Variants in CFAP57 observed in about 807,000 individuals in gnomAD.
CFAP57 encodes the protein cilia and flagella associated protein 57.
In CFAP57, 116 loss-of-function variants were observed where a neutral mutation model predicts 146.8. The observed-to-expected ratio is 0.79, with a 90% CI of 0.68 to 0.92. The LOEUF (loss-of-function observed/expected upper bound fraction) is 0.92, where lower values mean the gene tolerates loss of function less well. Ranked by LOEUF, CFAP57 falls within the 40% of genes least tolerant of loss-of-function variation. The pLI, the probability that CFAP57 is intolerant of heterozygous loss-of-function variation, is 0.00. For synonymous variants in CFAP57, 518 were observed against 552.8 expected (o/e 0.94, Z 0.88); for missense variants, 1,377 against 1,527.2 (o/e 0.90, Z 1.64).
chr1:43,223,965 G>C, intron 16 of CFAP57, 81 bp from the exon 17 acceptor site: 1 of 1,476,984 alleles, frequency 6.8e-7, no homozygotes, highest in Non-Finnish European at 9.1e-7. Flanking sequence ...GTGGTGGGGA[G>C]CCCCTTACAC....
chr1:43,193,576 A>G (rs1643677141), intron 6 of CFAP57, among the ~76,000 whole-genome samples: 1 of 152,062 alleles, frequency 6.6e-6, no homozygotes, highest in South Asian at 2.1e-4. Context: ...GTTTGATTCA[A>G]TTTCATACTA....
At chr1:43,219,771 G>A (rs1644973292) in intron 13 of CFAP57, 1 of 414,376 alleles carries the variant, frequency 2.4e-6, no homozygotes, top group Non-Finnish European at 4.5e-6. Context: ...GAGGTCAGGA[G>A]TTCAAGACCA....
rs762586922 is a variant in CFAP57 at position 43,172,855 on chromosome 1, A to T, written c.102A>T (p.Ser34=). The T allele has an allele frequency of 5.6e-6, 9 of 1,614,200 alleles. No individual in the cohort carries two copies. In the South Asian group the frequency reaches 7.7e-5, roughly 14 times the overall value. The stretch of plus-strand genomic sequence containing the variant: ...ATGAACAGATCATTATATTTCCTTC[A>T]GGAAATCACTGTGTGAAGTACAATG... ...YFDEQIIIFP[S]GNHCVKYNVD... Residue 34 remains serine, a synonymous_variant, in exon 2 of 23, where the codon TCA becomes TCT. Transcript: ENST00000372492.
chr1:43,245,014 T>TA (rs370050370), intron 22 of CFAP57, among the ~76,000 whole-genome samples: 5 of 151,374 alleles, frequency 3.3e-5, no homozygotes, highest in African/African-American at 1.2e-4. Context: ...AAACTTCTCT[T>TA]AAAAAATGTT....
intron 9 of CFAP57, among the ~76,000 whole-genome samples, chr1:43,202,546 G>T (rs772098867): frequency 8.5e-5 from 13 of 152,252 alleles, no homozygotes; most frequent in Middle Eastern, 3.4e-3. Context: ...ACTTCGGGAG[G>T]CTGAGGCAGG....
At chr1:43,225,222 A>C (rs1170854827) in intron 17 of CFAP57, among the ~76,000 whole-genome samples, 1 of 152,042 alleles carries the variant, frequency 6.6e-6, no homozygotes, top group Non-Finnish European at 1.5e-5. Flanking sequence ...ATCTCCCACC[A>C]CCATGGACTG....
At position 43,234,578 on chromosome 1, in the gene CFAP57, C is replaced by G. The variant is rs966525087; in HGVS notation, c.3345C>G (p.Leu1115=). Residue 1115 remains leucine (L), a synonymous_variant, in exon 21 of 23, where the codon CTC becomes CTG. Coordinates refer to ENST00000372492, the MANE Select transcript of CFAP57 (RefSeq NM_001378189.1). ...REHLERNLAT[L]KKKVVKEGEL... ...ACCTGGAGAGGAACCTGGCCACTCT[C>G]AAGAAGAAGGTGGTCAAGGAGGGCG... 2.6e-6 allele frequency: 4 copies of G among 1,550,470 alleles called. No homozygotes were observed. The highest frequency in any genetic ancestry group is 3.5e-6 in the Non-Finnish European group (4 of 1,146,968).
At chr1:43,218,685 A>G (rs1454475080) in intron 12 of CFAP57, among the ~76,000 whole-genome samples, 1 of 152,174 alleles carries the variant, frequency 6.6e-6, no homozygotes, top group Non-Finnish European at 1.5e-5. Context: ...TAGGACCTAT[A>G]TTAAAGTATT....
In CFAP57 at chr1:43,185,233, G is replaced by T. The variant is rs1642968145; in HGVS notation, c.846G>T (p.Met282Ile). The T allele has an allele frequency of 6.2e-7, 1 of 1,614,204 alleles. No individual in the cohort carries two copies. The highest frequency in any genetic ancestry group is 1.7e-5 in the Admixed American group (1 of 60,028). ...VAASSHSQMS[M>I]PQVFAIAAYS... ...CCAGTAGCCATAGCCAGATGTCCAT[G>T]CCCCAGGTGTTTGCCATTGCAGCCT... The change falls in exon 5 of 23, where the codon ATG becomes ATT. Residue 282 changes from methionine to isoleucine, a missense_variant. Transcript: ENST00000372492.
intron 10 of CFAP57, 103 bp downstream of exon 10, chr1:43,207,035 A>G: frequency 1.8e-6 from 2 of 1,142,150 alleles, no homozygotes; most frequent in Non-Finnish European, 2.6e-6. Flanking sequence ...GCCTCTGCAT[A>G]CAGGGCCCCT....
intron 10 of CFAP57, among the ~76,000 whole-genome samples, chr1:43,209,107 G>A (rs985065806): frequency 2.6e-5 from 4 of 152,114 alleles, no homozygotes; most frequent in East Asian, 1.9e-4. Context: ...AGTTATGTAC[G>A]TATAGGAGAA....
intron 10 of CFAP57, among the ~76,000 whole-genome samples, chr1:43,207,893 G>A (rs543742556): frequency 3.6e-4 from 55 of 152,356 alleles, no homozygotes; most frequent in African/African-American, 1.3e-3. Flanking sequence ...GTGTACCCCC[G>A]AGTAGCCTGG....
intron 10 of CFAP57, 96 bp downstream of exon 10, chr1:43,207,028 T>G: frequency 8.1e-7 from 1 of 1,242,178 alleles, no homozygotes; most frequent in Admixed American, 1.8e-5. Flanking sequence ...AATGAGGGCC[T>G]CTGCATACAG....
intron 21 of CFAP57, among the ~76,000 whole-genome samples, chr1:43,237,047 GGGGTGGA>G (rs975995972): frequency 6.6e-6 from 1 of 152,314 alleles, no homozygotes; most frequent in East Asian, 1.9e-4. Flanking sequence ...GCAGGTGGCA[GGGGTGGA>G]GGGTGGAGGG....
rs868092104 is a variant in CFAP57 at position 43,172,363 on chromosome 1, C to T, written c.-110C>T. 7.1e-6 allele frequency: 11 copies of T among 1,551,482 alleles called. No homozygotes were observed. The highest frequency in any genetic ancestry group is 9.6e-6 in the Non-Finnish European group (11 of 1,146,996). Reference sequence around the variant, plus strand: ...TTTGTCGTTGCTATAGGAACCGCTACGGCGTTTGAAAGTGTCCGGGTTGCT... The same window carrying T: ...TTTGTCGTTGCTATAGGAACCGCTATGGCGTTTGAAAGTGTCCGGGTTGCT... On this transcript the variant is annotated 5_prime_UTR_variant, in exon 1 of 23. It adds an upstream start codon to the 5' untranslated region. Transcript: ENST00000372492.
chr1:43,243,194 C>T (rs1645991329), intron 21 of CFAP57, 33 bp from the exon 22 acceptor site: 2 of 1,547,180 alleles, frequency 1.3e-6, no homozygotes, highest in Non-Finnish European at 1.7e-6. Flanking sequence ...ACTCATCCAT[C>T]CACCCTCCCT....
chr1:43,214,746 G>A (rs1644769550), intron 11 of CFAP57, among the ~76,000 whole-genome samples: 2 of 152,084 alleles, frequency 1.3e-5, no homozygotes, highest in Admixed American at 1.3e-4. Context: ...TACCAAGAAT[G>A]TATGAGACCC....
At chr1:43,183,489 A>G (rs1645503523) in intron 3 of CFAP57, 102 bp from the exon 4 acceptor site, 2 of 1,074,962 alleles carry the variant, frequency 1.9e-6, no homozygotes, top group Non-Finnish European at 2.8e-6. Flanking sequence ...TTTTGGAGAT[A>G]TTCTGAGCAG....
chr1:43,192,526 G>A (rs1375055522), intron 6 of CFAP57, among the ~76,000 whole-genome samples: 1 of 152,136 alleles, frequency 6.6e-6, no homozygotes, highest in Non-Finnish European at 1.5e-5. Flanking sequence ...AGGAGGCTGA[G>A]GCAGGAGAAT....
Sources: allele counts gnomAD v4.1 joint callset (sites outside exome capture counted in the v4.1 genomes callset), GRCh38; gene constraint gnomAD v4.1.1; transcripts MANE v1.5; gene names NCBI Gene and HGNC (gene_info 2026-07-23, HGNC 2026-07-21).